CNBD1: variants seen among roughly 807,000 people sequenced by gnomAD.
CNBD1 encodes the protein cyclic nucleotide-binding domain-containing protein 1.
CNBD1 carries 71 observed loss-of-function variants against 54.4 expected under a neutral mutation model. That is an observed-to-expected ratio of 1.30 (90% CI 1.08 to 1.59). CNBD1 has a LOEUF of 1.59. CNBD1 is among the 40% of genes most tolerant of loss of function. The pLI, the probability that CNBD1 is intolerant of heterozygous loss-of-function variation, is 0.00. For synonymous variants in CNBD1, 182 were observed against 170.7 expected, an observed-to-expected ratio of 1.07 and a Z score of -0.51; for missense variants, 659 against 518.0, an observed-to-expected ratio of 1.27 and a Z score of -2.64.
chr8:87,268,275 A>G (rs191433661), intron 6 of CNBD1, among the ~76,000 whole-genome samples: 1 of 152,204 alleles, frequency 6.6e-6, no homozygotes, highest in East Asian at 1.9e-4. Flanking sequence ...GCTGCAAAGG[A>G]CATGATTTTG....
chr8:87,115,765 G>A (rs894882130), intron 4 of CNBD1, among the ~76,000 whole-genome samples: 8 of 152,118 alleles, frequency 5.3e-5, no homozygotes, highest in Non-Finnish European at 1.2e-4. Context: ...TCTGTACCTC[G>A]TATCTCTCGT....
chr8:87,225,863 C>G (rs1028734861), intron 5 of CNBD1, among the ~76,000 whole-genome samples: 1 of 145,158 alleles, frequency 6.9e-6, no homozygotes, highest in Non-Finnish European at 1.5e-5. Context: ...GTGAATCCAT[C>G]TGGTCCAGGA....
chr8:87,141,356 G>A (rs966228456), intron 4 of CNBD1, among the ~76,000 whole-genome samples: 1 of 152,058 alleles, frequency 6.6e-6, no homozygotes, highest in African/African-American at 2.4e-5. Flanking sequence ...TCCATGAAGA[G>A]GAAGAGACTG....
chr8:87,142,261 T>C (rs1204166997), intron 4 of CNBD1, among the ~76,000 whole-genome samples: 2 of 152,148 alleles, frequency 1.3e-5, no homozygotes, highest in African/African-American at 4.8e-5. Flanking sequence ...AGTAAAATTC[T>C]GTGAAGAAAA....
chr8:87,373,396 G>A (rs1326677804), intron 10 of CNBD1, among the ~76,000 whole-genome samples: 2 of 151,746 alleles, frequency 1.3e-5, no homozygotes, highest in Non-Finnish European at 2.9e-5. Context: ...ATTTTTTAAA[G>A]GCATTATCAC....
intron 4 of CNBD1, among the ~76,000 whole-genome samples, chr8:87,156,129 AAAG>A (rs1312587048): frequency 1.1e-4 from 16 of 151,430 alleles, no homozygotes; most frequent in African/African-American, 3.6e-4. Context: ...TGCTGAAATA[AAAG>A]AAGAACTGGT....
intron 6 of CNBD1, among the ~76,000 whole-genome samples, chr8:87,243,289 T>A (rs189927913): frequency 6.6e-6 from 1 of 152,362 alleles, no homozygotes; most frequent in Admixed American, 6.5e-5. Context: ...CATCTTCAGA[T>A]CCTGGATAAA....
At chr8:87,291,667 G>A (rs185511498) in intron 8 of CNBD1, among the ~76,000 whole-genome samples, 24 of 152,142 alleles carry the variant, frequency 1.6e-4, no homozygotes, top group Non-Finnish European at 3.1e-4. Context: ...AGGGGGCACA[G>A]GGGACAAGGT....
intron 8 of CNBD1, among the ~76,000 whole-genome samples, chr8:87,314,169 A>T (rs1809332910): frequency 6.6e-6 from 1 of 151,972 alleles, no homozygotes; most frequent in Non-Finnish European, 1.5e-5. Context: ...ATAAAAAAAG[A>T]TTATTTATGG....
intron 4 of CNBD1, among the ~76,000 whole-genome samples, chr8:87,173,783 A>G (rs1038626833): frequency 6.6e-5 from 10 of 151,284 alleles, no homozygotes; most frequent in East Asian, 1.9e-4. Flanking sequence ...CTTCTTGTAC[A>G]TGGATATTGA....
At chr8:87,046,050 A>C (rs1476186450) in intron 4 of CNBD1, among the ~76,000 whole-genome samples, 49 of 150,884 alleles carry the variant, frequency 3.2e-4, no homozygotes, top group African/African-American at 1.0e-3. Context: ...CATAAAAAAA[A>C]AAAAAAAAAA....
intron 2 of CNBD1, among the ~76,000 whole-genome samples, chr8:86,896,635 TTTA>T (rs1808852316): frequency 6.6e-6 from 1 of 152,308 alleles, no homozygotes; most frequent in South Asian, 2.1e-4. Flanking sequence ...CTACTAATTT[TTTA>T]TTGACTTTGT....
chr8:87,151,876 T>C (rs1410867276), intron 4 of CNBD1, among the ~76,000 whole-genome samples: 2 of 152,168 alleles, frequency 1.3e-5, no homozygotes, highest in East Asian at 3.8e-4. Context: ...TTTTCATCAA[T>C]GGGCATATTT....
At chr8:87,279,184 A>C (rs1808540393) in intron 6 of CNBD1, among the ~76,000 whole-genome samples, 1 of 151,516 alleles carries the variant, frequency 6.6e-6, no homozygotes, top group South Asian at 2.1e-4. Flanking sequence ...TGTATCTTCC[A>C]TGCATAATGA....
intron 8 of CNBD1, among the ~76,000 whole-genome samples, chr8:87,290,441 A>T (rs1014593805): frequency 6.6e-6 from 1 of 152,126 alleles, no homozygotes; most frequent in Non-Finnish European, 1.5e-5. Context: ...TATGTTATAG[A>T]TCCAACAACA....
chr8:87,002,962 C>G (rs1157771619), intron 4 of CNBD1, among the ~76,000 whole-genome samples: 1 of 151,946 alleles, frequency 6.6e-6, no homozygotes, highest in Non-Finnish European at 1.5e-5. Context: ...TCATTTCTTC[C>G]CTAGAAAAGA....
intron 4 of CNBD1, among the ~76,000 whole-genome samples, chr8:86,993,432 T>C (rs1197812359): frequency 6.6e-6 from 1 of 152,232 alleles, no homozygotes; most frequent in African/African-American, 2.4e-5. Context: ...CTTTTCTTCC[T>C]GATTCTGAAT....
At position 86,887,575 on chromosome 8, in the gene CNBD1, A is replaced by T. The variant is rs1221577031; in HGVS notation, c.122A>T (p.Gln41Leu). 1 of 1,581,066 alleles carries T rather than the reference A, an allele frequency of 6.3e-7. No individual in the cohort carries two copies. ...AAGTCTAAGCACATTAATTATGGCC[A>T]GTTGAATGCATTATGCCACATTAGA... ...LKKSKHINYG[Q>L]LNALCHIRGQ... The change falls in exon 2 of 11, where the codon CAG becomes CTG. Residue 41 changes from glutamine (Q) to leucine (L), a missense_variant. Coordinates refer to ENST00000518476, the MANE Select transcript of CNBD1 (RefSeq NM_173538.3).
chr8:86,892,874 A>G (rs1453552814), intron 2 of CNBD1, among the ~76,000 whole-genome samples: 1 of 152,186 alleles, frequency 6.6e-6, no homozygotes, highest in Non-Finnish European at 1.5e-5. Context: ...CTTTCCGGAC[A>G]TAATTAGACA....
Sources: gnomAD v4.1 joint callset for allele counts (sites outside exome capture counted in the v4.1 genomes callset) on GRCh38, gnomAD v4.1.1 for gene constraint, MANE v1.5 for transcripts, NCBI Gene and HGNC (gene_info 2026-07-23, HGNC 2026-07-21) for gene names.